Variants in GHSR observed in about 807,000 individuals in gnomAD.
GHSR encodes the protein growth hormone secretagogue receptor type 1.
In GHSR, 17 loss-of-function variants were observed where a neutral mutation model predicts 24.0. The observed-to-expected ratio is 0.71, with a 90% CI of 0.49 to 1.06. The LOEUF (loss-of-function observed/expected upper bound fraction) is 1.06. GHSR is among the 50% of genes least tolerant of loss of function. GHSR has a pLI of 0.00. For synonymous variants in GHSR, 238 were observed against 208.1 expected, an observed-to-expected ratio of 1.14 and a Z score of -1.24; for missense variants, 504 against 483.1, an observed-to-expected ratio of 1.04 and a Z score of -0.41.
intron 1 of GHSR, among the ~76,000 whole-genome samples, chr3:172,446,126 G>A (rs1737457145): frequency 6.6e-6 from 1 of 152,028 alleles, no homozygotes; most frequent in African/African-American, 2.4e-5. Context: ...ATGTCTAAAT[G>A]TTTAGATTGT....
chr3:172,443,535 G>T lies in GHSR; in HGVS notation c.*1626C>A, dbSNP rs1408598412. 1.3e-5 allele frequency among the ~76,000 whole-genome samples: 2 copies of T among 151,994 alleles called. No homozygotes were observed. Among genetic ancestry groups the T allele is most frequent in the Non-Finnish European group, 2.9e-5 (2 of 67,978 alleles). On this transcript the variant is annotated 3_prime_UTR_variant, in exon 2 of 2. Coordinates refer to ENST00000241256, the MANE Select transcript of GHSR (RefSeq NM_198407.2). ...AGTCATGGCAGGAATTTCCCTAAAT[G>T]GTTCCATCCATTCCATAGTTGTGAA... is the stretch of plus-strand genomic sequence containing the variant.
rs1037500512 is a variant in GHSR, at chr3:172,443,403, T to G, written c.*1758A>C. Among the ~76,000 whole-genome samples, 1 of 152,180 alleles carries G rather than the reference T, an allele frequency of 6.6e-6. No homozygotes were observed. The highest frequency in any genetic ancestry group is 2.4e-5 in the African/African-American group (1 of 41,466). ...TGTCAGAACGAATCTCAGAAATATT[T>G]TTCTAGAGAAATGATTCTAATTATG... On this transcript the variant is annotated 3_prime_UTR_variant, in exon 2 of 2. Coordinates refer to ENST00000241256, the MANE Select transcript of GHSR (RefSeq NM_198407.2).
At chr3:172,446,651 T>G (rs1187026173) in intron 1 of GHSR, among the ~76,000 whole-genome samples, 1 of 152,236 alleles carries the variant, frequency 6.6e-6, no homozygotes, top group Non-Finnish European at 1.5e-5. Flanking sequence ...GAGTTAATAT[T>G]TTGCTGGGCT....
rs1465890974 is a variant in GHSR at position 172,444,303 on chromosome 3, C to T, written c.*858G>A. On this transcript the variant is annotated 3_prime_UTR_variant, in exon 2 of 2. Coordinates refer to ENST00000241256, the MANE Select transcript of GHSR (RefSeq NM_198407.2). ...TAGGGAAACAGTATTTATTTTTAAA[C>T]ATTTCATATAAGGTGAATGATAAGT... 1.3e-5 allele frequency among the ~76,000 whole-genome samples: 2 copies of T among 152,108 alleles called. No homozygotes were observed. Among genetic ancestry groups the T allele is most frequent in the Admixed American group, 6.6e-5 (1 of 15,266 alleles).
rs1737421843 is a variant in GHSR, at chr3:172,444,936, T to C, written c.*225A>G. On this transcript the variant is annotated 3_prime_UTR_variant, in exon 2 of 2. Coordinates refer to ENST00000241256, the MANE Select transcript of GHSR (RefSeq NM_198407.2). ...CCAGCACCCGCAGCAGAATGCAAAA[T>C]CATAGACAGTGAATATGCAGAAATA... is the stretch of plus-strand genomic sequence containing the variant. 6.6e-6 allele frequency among the ~76,000 whole-genome samples: 1 copy of C among 152,152 alleles called. No homozygotes were observed. Among genetic ancestry groups the C allele is most frequent in the African/African-American group, 2.4e-5 (1 of 41,438 alleles).
intron 1 of GHSR, among the ~76,000 whole-genome samples, chr3:172,446,922 C>T (rs981181673): frequency 1.3e-5 from 2 of 152,166 alleles, no homozygotes; most frequent in African/African-American, 4.8e-5. Flanking sequence ...ACAAATGAGA[C>T]TTCACTGATT....
chr3:172,445,338 G>A lies in GHSR; in HGVS notation c.924C>T (p.Ser308=). The change falls in exon 2 of 2, where the codon TCC becomes TCT. Residue 308 remains serine (S), a synonymous_variant. Transcript: ENST00000241256. ...AQISQYCNLV[S]FVLFYLSAAI... ...CAGCACTGAGGTAGAAGAGGACAAA[G>A]GACACGAGGTTGCAGTACTGGCTGA... is the stretch of plus-strand genomic sequence containing the variant. 6.2e-7 allele frequency: 1 copy of A among 1,614,122 alleles called. No homozygotes were observed. Among genetic ancestry groups the A allele is most frequent in the Admixed American group, 1.7e-5 (1 of 60,022 alleles).
At position 172,447,774 on chromosome 3, in the gene GHSR, C is replaced by A. The variant is rs755270773; in HGVS notation, c.640G>T (p.Val214Leu). 4.3e-6 allele frequency: 7 copies of A among 1,614,020 alleles called. No individual in the cohort carries two copies. Among genetic ancestry groups the A allele is most frequent in the Non-Finnish European group, 5.9e-6 (7 of 1,180,052 alleles). ...AVRSGLLTVM[V>L]WVSSIFFFLP... ...AAGAAGAAGATGCTGGACACCCACA[C>A]CATGACCGTGAGCAGTCCAGAGCGC... The change falls in exon 1 of 2, where the codon GTG becomes TTG. Residue 214 changes from valine to leucine, a missense_variant. Transcript: ENST00000241256.
Position 172,447,872 on chromosome 3 carries a change from A to G in GHSR, c.542T>C (p.Leu181Pro). Residue 181 changes from leucine (L) to proline (P), a missense_variant, in exon 1 of 2, where the codon CTA becomes CCA. Leu to Pro is a moderately conservative substitution (Grantham distance 98). Transcript: ENST00000241256. ...GCCGTTCTCGTGCTCCACCCCGACT[A>G]GCACGAAGATGGGCCCGGCGCTGCA... ...AFCSAGPIFV[L>P]VGVEHENGTD... 6.2e-7 allele frequency: 1 copy of G among 1,613,704 alleles called. No individual in the cohort carries two copies. Among genetic ancestry groups the G allele is most frequent in the Non-Finnish European group, 8.5e-7 (1 of 1,179,734 alleles).
rs1461440796 is a variant in GHSR at position 172,444,033 on chromosome 3, G to A, written c.*1128C>T. On this transcript the variant is annotated 3_prime_UTR_variant, in exon 2 of 2. Transcript: ENST00000241256. ...CAAATTGTTCCCTTATTCACAAATCGAAGCCTTATAATTGACTTCAAAATT... is the reference window on the plus strand; with the variant it reads ...CAAATTGTTCCCTTATTCACAAATCAAAGCCTTATAATTGACTTCAAAATT... Among the ~76,000 whole-genome samples the A allele has an allele frequency of 1.3e-5, 2 of 151,962 alleles. No homozygotes were observed. The highest frequency in any genetic ancestry group is 2.9e-5 in the Non-Finnish European group (2 of 67,958).
At chr3:172,445,870 C>G (rs1737448595) in intron 1 of GHSR, among the ~76,000 whole-genome samples, 1 of 152,032 alleles carries the variant, frequency 6.6e-6, no homozygotes, top group South Asian at 2.1e-4. Flanking sequence ...ATGCAGATTC[C>G]TTGGATGTAG....
At position 172,446,015 on chromosome 3, in the gene GHSR, G is replaced by A. The variant is rs937411756; in HGVS notation, c.797-550C>T. ...GAATCACTGAGATGAATGATTCTAT[G>A]CCACTTACAATAGACATAAGTAAGG... is the stretch of plus-strand genomic sequence containing the variant. On this transcript the variant is annotated intron_variant, in intron 1 of 1. Coordinates refer to ENST00000241256, the MANE Select transcript of GHSR (RefSeq NM_198407.2). Among the ~76,000 whole-genome samples the A allele has an allele frequency of 4.0e-5, 6 of 151,714 alleles. 1 individual carries two copies. Among genetic ancestry groups the A allele is most frequent in the Admixed American group, 3.3e-4 (5 of 15,232 alleles).
At position 172,445,422 on chromosome 3, in the gene GHSR, G is replaced by C; in HGVS notation, c.840C>G (p.His280Gln). The C allele has an allele frequency of 6.2e-7, 1 of 1,613,792 alleles. No homozygotes were observed. Among genetic ancestry groups the C allele is most frequent in the Non-Finnish European group, 8.5e-7 (1 of 1,180,004 alleles). Reference protein sequence around the residue: ...FAFILCWLPFHVGRYLFSKSF... With the variant: ...FAFILCWLPFQVGRYLFSKSF... ...ATTTGGAAAATAAATATCGCCCTAC[G>C]TGGAAGGGGAGCCAGCAGAGGATGA... Residue 280 changes from histidine to glutamine, a missense_variant, in exon 2 of 2, where the codon CAC (histidine) becomes CAG (glutamine). His to Gln is a conservative substitution (Grantham distance 24). Transcript: ENST00000241256.
rs1560128265 is a variant in GHSR at position 172,444,060 on chromosome 3, T to G, written c.*1101A>C. 6.6e-6 allele frequency among the ~76,000 whole-genome samples: 1 copy of G among 152,200 alleles called. No individual in the cohort carries two copies. Among genetic ancestry groups the G allele is most frequent in the Non-Finnish European group, 1.5e-5 (1 of 68,006 alleles). On this transcript the variant is annotated 3_prime_UTR_variant, in exon 2 of 2. Transcript: ENST00000241256. ...AGCCTTATAATTGACTTCAAAATTT[T>G]TGTTAAGCCATATGAGGCAGTTTGT...
In GHSR at chr3:172,448,230, G is replaced by A. The variant is rs760510238; in HGVS notation, c.184C>T (p.Leu62=). 10 of 1,614,090 alleles carry A rather than the reference G, an allele frequency of 6.2e-6. No homozygotes were observed. The highest frequency in any genetic ancestry group is 6.8e-6 in the Non-Finnish European group (8 of 1,180,020). ...CGCGACACCACCAGCATGGTGAGCA[G>A]GTTGCCAGCGATGCCCACCACGAAG... ...ALFVVGIAGN[L]LTMLVVSRFR... is the part of the protein sequence containing the mutation. Residue 62 remains leucine, a synonymous_variant, in exon 1 of 2, where the codon CTG becomes TTG. Transcript: ENST00000241256. The surrounding 1 kb of genome is among the most constrained non-coding windows in gnomAD (Gnocchi z 4.8).
rs539823726 is a variant in GHSR, at chr3:172,444,251, T to A, written c.*910A>T. Among the ~76,000 whole-genome samples, 4 of 152,334 alleles carry A rather than the reference T, an allele frequency of 2.6e-5. No individual in the cohort carries two copies. Among genetic ancestry groups the A allele is most frequent in the African/African-American group, 9.6e-5 (4 of 41,580 alleles). Reference sequence around the variant, plus strand: ...AGTATTCATCACTCTAAAATTCTGCTGTGTGAACATCACTATAAAAACATT... The same window carrying A: ...AGTATTCATCACTCTAAAATTCTGCAGTGTGAACATCACTATAAAAACATT... On this transcript the variant is annotated 3_prime_UTR_variant, in exon 2 of 2. Transcript: ENST00000241256.
Position 172,448,251 on chromosome 3 carries a change from CGAA to C in GHSR, c.160_162del (p.Phe54del), listed in dbSNP as rs751450083. 5.6e-6 allele frequency: 9 copies of C among 1,613,708 alleles called. No homozygotes were observed. Among genetic ancestry groups the C allele is most frequent in the Non-Finnish European group, 7.6e-6 (9 of 1,180,012 alleles). On this transcript the variant is annotated inframe_deletion, in exon 1 of 2. Coordinates refer to ENST00000241256, the MANE Select transcript of GHSR (RefSeq NM_198407.2). This position sits in a 1 kb window ranked among gnomAD's most constrained non-coding sequence, Gnocchi z 4.8. ...AGCAGGTTGCCAGCGATGCCCACCACGAAGAGTGCCACGCAGGTGGCTGTGACG... is the reference window on the plus strand; with the variant it reads ...AGCAGGTTGCCAGCGATGCCCACCACGAGTGCCACGCAGGTGGCTGTGACG...
In GHSR at chr3:172,445,324, T is replaced by A. The variant is rs1406490698; in HGVS notation, c.938A>T (p.Tyr313Phe). 1.2e-6 allele frequency: 2 copies of A among 1,613,936 alleles called. No individual in the cohort carries two copies. The highest frequency in any genetic ancestry group is 2.7e-5 in the African/African-American group (2 of 74,864). Residue 313 changes from tyrosine to phenylalanine, a missense_variant, in exon 2 of 2, where the codon TAC becomes TTC. By Grantham distance (22) the Tyr-to-Phe change is conservative. Transcript: ENST00000241256. ...YCNLVSFVLFYLSAAINPILY... is the reference protein window; with the variant it reads ...YCNLVSFVLFFLSAAINPILY... ...AATGGGGTTGATGGCAGCACTGAGG[T>A]AGAAGAGGACAAAGGACACGAGGTT...
chr3:172,445,860 A>G (rs1737448240), intron 1 of GHSR, among the ~76,000 whole-genome samples: 1 of 152,186 alleles, frequency 6.6e-6, no homozygotes, highest in Admixed American at 6.5e-5. Flanking sequence ...TTTTAAAACA[A>G]TGCAGATTCC....
Sources: allele counts gnomAD v4.1 joint callset (sites outside exome capture counted in the v4.1 genomes callset), GRCh38; gene constraint gnomAD v4.1.1; non-coding constraint Gnocchi (gnomAD v3.1); transcripts MANE v1.5; gene names NCBI Gene and HGNC (gene_info 2026-07-23, HGNC 2026-07-21).